Variants in RFT1 observed in about 807,000 individuals in gnomAD.
RFT1 encodes man(5)GlcNAc(2)-PP-dolichol translocation protein RFT1.
In RFT1, 43 loss-of-function variants were observed where a neutral mutation model predicts 62.2. That is an observed-to-expected ratio of 0.69 (90% confidence interval 0.54 to 0.89). The LOEUF (loss-of-function observed/expected upper bound fraction) is 0.89, where lower values mean the gene tolerates loss of function less well. RFT1 is among the 40% of genes least tolerant of loss of function. RFT1 has a pLI of 0.00. For synonymous variants in RFT1, 262 were observed against 264.6 expected (o/e 0.99, Z 0.10); for missense variants, 605 against 649.9 (o/e 0.93, Z 0.75).
intron 12 of RFT1, 59 bp downstream of exon 12, chr3:53,092,310 C>A (rs746824331): frequency 1.3e-6 from 2 of 1,567,956 alleles, no homozygotes; most frequent in Admixed American, 1.9e-5. Flanking sequence ...GGAGGCCTAG[C>A]GGGAGAGACA....
intron 4 of RFT1, 131 bp downstream of exon 4, chr3:53,122,243 A>G (rs1191627917): frequency 2.2e-6 from 2 of 895,026 alleles, no homozygotes; most frequent in African/African-American, 1.6e-5. Flanking sequence ...TGACCATGTT[A>G]TCTTTTTCTA....
At chr3:53,077,629 G>C in the RFT1 span, 3 of 152,214 alleles carry the variant, frequency 2.0e-5, no homozygotes. Flanking sequence ...TGAGGGGAGG[G>C]CTGGGGCATC....
At chr3:53,085,313 T>C (rs930122), downstream of RFT1, among the ~76,000 whole-genome samples, 101,220 of 152,018 alleles carry the variant, frequency 0.67, 33,994 homozygotes, top group East Asian at 0.84. Context: ...AGCCTCACAG[T>C]GAGGCAGCCT....
the RFT1 span, among the ~76,000 whole-genome samples, chr3:53,075,950 T>C: frequency 2.0e-5 from 3 of 152,030 alleles, no homozygotes; most frequent in East Asian, 1.9e-4. Context: ...GAAGTTAACA[T>C]GGGGTGATCA....
At chr3:53,121,454 G>A (rs1056114611) in intron 5 of RFT1, among the ~76,000 whole-genome samples, 13 of 152,084 alleles carry the variant, frequency 8.5e-5, no homozygotes, top group Non-Finnish European at 2.9e-5. Flanking sequence ...AGGGGTTTTT[G>A]ATGTTTGACA....
the RFT1 span, among the ~76,000 whole-genome samples, chr3:53,068,617 T>G: frequency 6.6e-6 from 1 of 150,770 alleles, no homozygotes; most frequent in Non-Finnish European, 1.5e-5. Flanking sequence ...ATCCAAGAGC[T>G]GCAGCCAGGC....
At position 53,103,985 on chromosome 3, in the gene RFT1, A is replaced by G; in HGVS notation, c.1070T>C (p.Ile357Thr). The G allele has an allele frequency of 6.2e-7, 1 of 1,614,252 alleles. No individual in the cohort carries two copies. The highest frequency in any genetic ancestry group is 8.5e-7 in the Non-Finnish European group (1 of 1,180,046). ...TGAGCTAAGCATGGTCCCTCCGTAGATATCCAGAGCCAGCTGAGAATAGGC... is the reference window on the plus strand; with the variant it reads ...TGAGCTAAGCATGGTCCCTCCGTAGGTATCCAGAGCCAGCTGAGAATAGGC... ...GFAYSQLALDIYGGTMLSSGS... is the reference protein window; with the variant it reads ...GFAYSQLALDTYGGTMLSSGS... Residue 357 changes from isoleucine to threonine, a missense_variant, in exon 10 of 13, where the codon ATC becomes ACC. Coordinates refer to ENST00000296292, the MANE Select transcript of RFT1 (RefSeq NM_052859.4).
chr3:53,067,905 A>G, the RFT1 span, among the ~76,000 whole-genome samples: 1 of 152,206 alleles, frequency 6.6e-6, no homozygotes, highest in Admixed American at 6.5e-5. Flanking sequence ...GGTGGCTTTT[A>G]TCACCAGTAT....
intron 10 of RFT1, among the ~76,000 whole-genome samples, chr3:53,100,604 T>C (rs899777054): frequency 1.3e-5 from 2 of 152,216 alleles, no homozygotes; most frequent in Non-Finnish European, 2.9e-5. Context: ...TAAAAATCAC[T>C]GATCCATGCG....
At chr3:53,120,380 A>C (rs1407941347) in intron 5 of RFT1, among the ~76,000 whole-genome samples, 4 of 152,264 alleles carry the variant, frequency 2.6e-5, no homozygotes, top group African/African-American at 9.6e-5. Context: ...CACCCTGCAA[A>C]GATCTATGTA....
intron 6 of RFT1, among the ~76,000 whole-genome samples, chr3:53,115,661 T>G (rs997590303): frequency 6.6e-6 from 1 of 152,204 alleles, no homozygotes; most frequent in Non-Finnish European, 1.5e-5. Context: ...AAATTTTCTT[T>G]CCTTCTGTGG....
At chr3:53,128,276 C>G (rs928565715) in intron 1 of RFT1, among the ~76,000 whole-genome samples, 3 of 152,140 alleles carry the variant, frequency 2.0e-5, no homozygotes, top group Non-Finnish European at 2.9e-5. Flanking sequence ...CCAGCCTGAG[C>G]AACAGAGTGA....
At chr3:53,072,395 AG>A in the RFT1 span, among the ~76,000 whole-genome samples, 4 of 152,112 alleles carry the variant, frequency 2.6e-5, no homozygotes, top group African/African-American at 9.7e-5. Flanking sequence ...CTGACCCCCC[AG>A]GGCTGCTGGG....
At chr3:53,120,053 G>A (rs759571570) in intron 5 of RFT1, 32 bp from the exon 6 acceptor site, 1 of 1,565,622 alleles carries the variant, frequency 6.4e-7, no homozygotes, top group South Asian at 1.2e-5. Context: ...TTTAATAAAG[G>A]CATAATTAAG....
intron 2 of RFT1, among the ~76,000 whole-genome samples, chr3:53,124,487 G>C (rs1340467794): frequency 2.6e-5 from 4 of 152,180 alleles, no homozygotes; most frequent in Non-Finnish European, 4.4e-5. Context: ...GGATTATCCT[G>C]CTACCCAGTG....
Position 53,099,377 on chromosome 3 carries a change from C to T in RFT1, c.1208+4G>A. 2 of 1,611,328 alleles carry T rather than the reference C, an allele frequency of 1.2e-6. No individual in the cohort carries two copies. Among genetic ancestry groups the T allele is most frequent in the Non-Finnish European group, 1.7e-6 (2 of 1,177,514 alleles). ...ATTAAAGGTGTACCTGCTAGGTTACCCACCTGTCGACCTCCTCTTTGCTCA... is the reference window on the plus strand; with the variant it reads ...ATTAAAGGTGTACCTGCTAGGTTACTCACCTGTCGACCTCCTCTTTGCTCA... On this transcript the variant is annotated splice_donor_region_variant and intron_variant, in intron 11 of 12. Coordinates refer to ENST00000296292, the MANE Select transcript of RFT1 (RefSeq NM_052859.4).
intron 11 of RFT1, among the ~76,000 whole-genome samples, chr3:53,094,209 C>T (rs1008170548): frequency 2.0e-5 from 3 of 152,060 alleles, no homozygotes; most frequent in Non-Finnish European, 2.9e-5. Flanking sequence ...CATAGTGAGA[C>T]CATGTCTCTA....
At chr3:53,129,463 C>G (rs1254022172) in intron 1 of RFT1, among the ~76,000 whole-genome samples, 1 of 152,060 alleles carries the variant, frequency 6.6e-6, no homozygotes. Flanking sequence ...CTGCTTGGTT[C>G]TTTCTTCTGC....
intron 11 of RFT1, 45 bp from the exon 12 acceptor site, chr3:53,092,663 G>C (rs373628479): frequency 1.3e-6 from 1 of 762,470 alleles, no homozygotes; most frequent in Non-Finnish European, 1.9e-6. Flanking sequence ...ACCTTGCCCT[G>C]GACAAGGCTG....
Sources: gnomAD v4.1 joint callset for allele counts (sites outside exome capture counted in the v4.1 genomes callset) on GRCh38, gnomAD v4.1.1 for gene constraint, MANE v1.5 for transcripts, NCBI Gene and HGNC (gene_info 2026-07-23, HGNC 2026-07-21) for gene names.